Variants in ESRRG observed in about 807,000 individuals in gnomAD.
The protein encoded by ESRRG is estrogen-related receptor gamma.
ESRRG carries 13 observed loss-of-function variants against 44.0 expected under a neutral mutation model. That is an observed-to-expected ratio of 0.30 (90% CI 0.19 to 0.47). ESRRG has a LOEUF of 0.47. ESRRG is among the 20% of genes least tolerant of loss of function. ESRRG has a pLI of 1.00. For synonymous variants in ESRRG, 215 were observed against 214.6 expected, an observed-to-expected ratio of 1.00 and a Z score of -0.02; for missense variants, 395 against 580.6, an observed-to-expected ratio of 0.68 and a Z score of 3.29.
intron 2 of ESRRG, among the ~76,000 whole-genome samples, chr1:216,785,538 G>C (rs1321368939): frequency 1.3e-5 from 2 of 151,968 alleles, no homozygotes; most frequent in East Asian, 3.9e-4. Flanking sequence ...GAGTGGGAGG[G>C]AAAAGCTATT....
At chr1:216,835,000 AG>A (rs1405485169) in intron 2 of ESRRG, among the ~76,000 whole-genome samples, 1 of 152,198 alleles carries the variant, frequency 6.6e-6, no homozygotes, top group Non-Finnish European at 1.5e-5. Flanking sequence ...TATGATAATC[AG>A]GGGGAGATCA....
At chr1:216,929,114 T>TA (rs201922624) in intron 2 of ESRRG, among the ~76,000 whole-genome samples, 112 of 151,288 alleles carry the variant, frequency 7.4e-4, no homozygotes, top group African/African-American at 1.7e-3. Context: ...TCACCACAGT[T>TA]AAAAAAAAAT....
intron 1 of ESRRG, among the ~76,000 whole-genome samples, chr1:217,001,579 G>GAA (rs1422636955): frequency 6.6e-6 from 1 of 152,180 alleles, no homozygotes; most frequent in Admixed American, 6.5e-5. Context: ...CGTTGATCAT[G>GAA]AAATATATAT....
Position 216,524,993 on chromosome 1 carries a change from A to T in ESRRG, c.863-5572T>A, listed in dbSNP as rs1473548490. Among the ~76,000 whole-genome samples the T allele has an allele frequency of 1.3e-5, 2 of 152,208 alleles. 1 individual carries two copies. The highest frequency in any genetic ancestry group is 4.8e-5 in the African/African-American group (2 of 41,464). Reference sequence around the variant, plus strand: ...ACTCATGCTGATTACATAAACAACCAAATGAGTTTACAATTAGCCCAATCA... The same window carrying T: ...ACTCATGCTGATTACATAAACAACCTAATGAGTTTACAATTAGCCCAATCA... On this transcript the variant is annotated intron_variant, in intron 5 of 6. Coordinates refer to ENST00000408911, the MANE Select transcript of ESRRG (RefSeq NM_001438.4).
intron 1 of ESRRG, among the ~76,000 whole-genome samples, chr1:217,017,239 T>G (rs1375592495): frequency 1.3e-5 from 2 of 152,124 alleles, no homozygotes; most frequent in Non-Finnish European, 2.9e-5. Flanking sequence ...CACTACAGCT[T>G]CTACCCAGGG....
At chr1:217,059,168 T>A (rs191126122) in intron 1 of ESRRG, among the ~76,000 whole-genome samples, 1 of 149,888 alleles carries the variant, frequency 6.7e-6, no homozygotes, top group African/African-American at 2.4e-5. Context: ...TAAACTGCAC[T>A]GTGAGCCTGA....
chr1:216,991,599 CATGGGATGGGATGGGATAGGATGGG>C (rs1435834406), intron 1 of ESRRG, among the ~76,000 whole-genome samples: 1,238 of 111,058 alleles, frequency 0.011, 47 homozygotes, highest in Admixed American at 0.016. Flanking sequence ...GATGGGATAG[CATGGGATGGGATGGGATAGGATGGG>C]ATGGGATGGG....
chr1:216,778,194 G>A (rs2093684276), intron 2 of ESRRG, among the ~76,000 whole-genome samples: 1 of 152,014 alleles, frequency 6.6e-6, no homozygotes, highest in African/African-American at 2.4e-5. Context: ...TAAGAACTGA[G>A]TGGGGAGGGA....
chr1:216,788,412 C>G (rs1457310277), intron 2 of ESRRG, among the ~76,000 whole-genome samples: 1 of 152,132 alleles, frequency 6.6e-6, no homozygotes, highest in South Asian at 2.1e-4. Context: ...ATCAGTGCAA[C>G]AACAAAGCCT....
At chr1:216,931,247 T>C (rs2063302983) in intron 2 of ESRRG, among the ~76,000 whole-genome samples, 1 of 152,196 alleles carries the variant, frequency 6.6e-6, no homozygotes, top group Non-Finnish European at 1.5e-5. Context: ...TGGGGGAAGG[T>C]ATTCCTTACC....
intron 1 of ESRRG, among the ~76,000 whole-genome samples, chr1:216,687,185 G>T (rs1441104145): frequency 6.6e-6 from 1 of 152,162 alleles, no homozygotes; most frequent in African/African-American, 2.4e-5. Flanking sequence ...CAAAAAGACA[G>T]ACAGAGACGT....
chr1:216,624,491 G>C (rs888249325), intron 3 of ESRRG, among the ~76,000 whole-genome samples: 1 of 152,108 alleles, frequency 6.6e-6, no homozygotes, highest in Non-Finnish European at 1.5e-5. Flanking sequence ...AGCTGATCAA[G>C]ACATCATTTT....
At chr1:217,065,049 C>T (rs988920737) in intron 1 of ESRRG, among the ~76,000 whole-genome samples, 15 of 152,148 alleles carry the variant, frequency 9.9e-5, no homozygotes, top group Admixed American at 9.8e-4. Context: ...CTCTATAGCT[C>T]CTTGACGGGA....
At chr1:216,698,243 C>T (rs888383217) in intron 1 of ESRRG, among the ~76,000 whole-genome samples, 4 of 151,976 alleles carry the variant, frequency 2.6e-5, no homozygotes, top group East Asian at 1.9e-4. Context: ...TTTGGCGGGG[C>T]GCGGTGGCTC....
At chr1:216,940,114 C>T (rs1003190777) in intron 1 of ESRRG, among the ~76,000 whole-genome samples, 10 of 152,082 alleles carry the variant, frequency 6.6e-5, no homozygotes, top group Non-Finnish European at 1.2e-4. Flanking sequence ...TTTCTCCAAA[C>T]GTGAAGGCTT....
In ESRRG at chr1:216,713,653, C is replaced by T. The variant is rs776513509; in HGVS notation, c.56+9591G>A. Among the ~76,000 whole-genome samples the T allele has an allele frequency of 4.6e-5, 7 of 152,312 alleles. No individual in the cohort carries two copies. The East Asian group carries it at 1.3e-3, about 29-fold the overall frequency. On this transcript the variant is annotated intron_variant, in intron 1 of 6. Coordinates refer to ENST00000408911, the MANE Select transcript of ESRRG (RefSeq NM_001438.4). ...ACGCACCTGCTTATCAAAGAAGCTGCTGTTGATGCTGAAGTTTCTTTTATC... is the reference window on the plus strand; with the variant it reads ...ACGCACCTGCTTATCAAAGAAGCTGTTGTTGATGCTGAAGTTTCTTTTATC...
At chr1:216,851,577 G>C (rs2095843625) in intron 2 of ESRRG, among the ~76,000 whole-genome samples, 1 of 152,156 alleles carries the variant, frequency 6.6e-6, no homozygotes, top group African/African-American at 2.4e-5. Flanking sequence ...GAAGTTGACA[G>C]TCTACAAACT....
chr1:216,603,936 A>G (rs1273292782), intron 3 of ESRRG, among the ~76,000 whole-genome samples: 1 of 45,780 alleles, frequency 2.2e-5, no homozygotes, highest in Admixed American at 1.5e-4. Context: ...ATCAAAAAAA[A>G]CAAAAAAACA....
At chr1:216,955,038 T>C (rs745549713) in intron 1 of ESRRG, among the ~76,000 whole-genome samples, 8 of 152,152 alleles carry the variant, frequency 5.3e-5, no homozygotes, top group African/African-American at 9.7e-5. Flanking sequence ...TTATCACTTC[T>C]TTGCATTGGG....
Sources: allele counts gnomAD v4.1 joint callset (sites outside exome capture counted in the v4.1 genomes callset), GRCh38; gene constraint gnomAD v4.1.1; transcripts MANE v1.5; gene names NCBI Gene and HGNC (gene_info 2026-07-23, HGNC 2026-07-21).